The following FAF1 variants were observed in gnomAD, a reference collection of about 807,000 sequenced individuals.
FAF1 encodes FAS-associated factor 1.
FAF1 carries 25 observed loss-of-function variants against 92.5 expected under a neutral mutation model. That is an observed-to-expected ratio of 0.27 (90% CI 0.20 to 0.38). The LOEUF (loss-of-function observed/expected upper bound fraction) is 0.38, where lower values mean the gene tolerates loss of function less well. Among genes scored for constraint, FAF1 ranks in the 10% least tolerant of loss-of-function variants. The pLI, the probability that FAF1 is intolerant of heterozygous loss-of-function variation, is 1.00. For synonymous variants in FAF1, 234 were observed against 273.2 expected (o/e 0.86, Z 1.42); for missense variants, 636 against 793.3 (o/e 0.80, Z 2.38).
chr1:50,772,549 G>A (rs1241247802), intron 4 of FAF1, among the ~76,000 whole-genome samples: 1 of 152,220 alleles, frequency 6.6e-6, no homozygotes, highest in Non-Finnish European at 1.5e-5. Context: ...GTCCTCTGCA[G>A]CAATATGGAT....
At chr1:50,639,915 C>T (rs937935429) in intron 8 of FAF1, among the ~76,000 whole-genome samples, 3 of 124,444 alleles carry the variant, frequency 2.4e-5, no homozygotes, top group Non-Finnish European at 3.2e-5. Context: ...GCCTGGGTGA[C>T]AGAGCAAGAC....
intron 2 of FAF1, among the ~76,000 whole-genome samples, chr1:50,832,018 T>C (rs1196181874): frequency 6.6e-6 from 1 of 151,980 alleles, no homozygotes; most frequent in African/African-American, 2.4e-5. Flanking sequence ...TAATGCCTGA[T>C]GATCTGTCAC....
chr1:50,730,065 A>G lies in FAF1; in HGVS notation c.551+8798T>C, dbSNP rs79531247. ...GTGATAATTTGTTCCATGAAAATTT[A>G]TGAAAAATCCTCTGGAGGGTGAAGG... On this transcript the variant is annotated intron_variant, in intron 6 of 18. Transcript: ENST00000396153. Among the ~76,000 whole-genome samples the G allele has an allele frequency of 8.0e-3, 1,220 of 152,242 alleles. 14 individuals are homozygous for G. The highest frequency in any genetic ancestry group is 0.028 in the African/African-American group (1,178 of 41,550).
At position 50,959,768 on chromosome 1, in the gene FAF1, T is replaced by C. The variant is rs1438077600; in HGVS notation, c.44A>G (p.Gln15Arg). 1.9e-6 allele frequency: 3 copies of C among 1,600,622 alleles called. No homozygotes were observed. Among genetic ancestry groups the C allele is most frequent in the Non-Finnish European group, 1.7e-6 (2 of 1,172,956 alleles). The change falls in exon 1 of 19, where the codon CAG becomes CGG. Residue 15 changes from glutamine (Q) to arginine (R), a missense_variant and splice_region_variant. Gln to Arg is a conservative substitution (Grantham distance 43, BLOSUM62 1). This residue lies in a region of FAF1 where 317 missense variants were observed against 342.4 expected (regional missense o/e 0.93). Transcript: ENST00000396153. ...MDREMILADF[Q>R]ACTGIENIDE... is the part of the protein sequence containing the mutation. Reference sequence around the variant, plus strand: ...GGGGAAGAGGGCCAGATACTTCACCTGAAAATCCGCCAGGATCATCTCCCG... The same window carrying C: ...GGGGAAGAGGGCCAGATACTTCACCCGAAAATCCGCCAGGATCATCTCCCG...
chr1:50,574,896 C>CTGTTTTTTTTTTGTTTTTTT (rs1558000811), intron 12 of FAF1, among the ~76,000 whole-genome samples: 1 of 122,886 alleles, frequency 8.1e-6, no homozygotes, highest in South Asian at 2.7e-4. Context: ...GTTGTATTAA[C>CTGTTTTTTTTTTGTTTTTTT]TCTTTTTTTT....
At chr1:50,957,874 C>T (rs972182669) in intron 1 of FAF1, among the ~76,000 whole-genome samples, 3 of 152,072 alleles carry the variant, frequency 2.0e-5, no homozygotes, top group Admixed American at 6.5e-5. Context: ...TGAGGGAAAT[C>T]AGAAGACAAT....
At chr1:50,649,071 C>T (rs188789019) in intron 8 of FAF1, among the ~76,000 whole-genome samples, 107 of 150,284 alleles carry the variant, frequency 7.1e-4, no homozygotes, top group African/African-American at 2.6e-3. Flanking sequence ...TGTGAGCCAC[C>T]GTGTCCAGCC....
chr1:50,532,378 T>C (rs1327100910), intron 15 of FAF1, among the ~76,000 whole-genome samples: 1 of 152,184 alleles, frequency 6.6e-6, no homozygotes, highest in Non-Finnish European at 1.5e-5. Flanking sequence ...AAATATTGTG[T>C]ATTCATATTC....
chr1:50,695,803 C>T (rs900933790), intron 7 of FAF1, among the ~76,000 whole-genome samples: 36 of 152,210 alleles, frequency 2.4e-4, no homozygotes, highest in African/African-American at 7.9e-4. Flanking sequence ...AACCCACGAC[C>T]ACACCTGGCT....
At chr1:50,687,654 C>T (rs1656729031) in intron 7 of FAF1, among the ~76,000 whole-genome samples, 1 of 151,440 alleles carries the variant, frequency 6.6e-6, no homozygotes, top group East Asian at 1.9e-4. Flanking sequence ...GAGGCTGAGG[C>T]GGGAGAACTG....
chr1:50,772,317 TACCGTC>T (rs1660803480), intron 4 of FAF1, among the ~76,000 whole-genome samples: 1 of 152,144 alleles, frequency 6.6e-6, no homozygotes, highest in Non-Finnish European at 1.5e-5. Context: ...AAGAAAGAAT[TACCGTC>T]CTACCCCACA....
At chr1:50,678,076 C>T (rs1300215964) in intron 7 of FAF1, among the ~76,000 whole-genome samples, 1 of 152,142 alleles carries the variant, frequency 6.6e-6, no homozygotes, top group Non-Finnish European at 1.5e-5. Context: ...ATATGCTTGG[C>T]ACTGACACTA....
chr1:50,734,391 C>G (rs1659051530), intron 6 of FAF1, among the ~76,000 whole-genome samples: 1 of 152,092 alleles, frequency 6.6e-6, no homozygotes, highest in African/African-American at 2.4e-5. Flanking sequence ...TAATCAGCAT[C>G]TTGGTTAGAA....
chr1:50,871,685 T>C (rs1210189322), intron 1 of FAF1, among the ~76,000 whole-genome samples: 2 of 152,206 alleles, frequency 1.3e-5, no homozygotes, highest in South Asian at 2.1e-4. Context: ...TTACTATTCA[T>C]TGACAATGCA....
At chr1:50,594,668 C>T (rs565498684) in intron 9 of FAF1, among the ~76,000 whole-genome samples, 18 of 151,440 alleles carry the variant, frequency 1.2e-4, no homozygotes, top group Admixed American at 1.1e-3. Flanking sequence ...GTCAGGAGTT[C>T]GAGACCAGCC....
chr1:50,713,090 G>C (rs1319886657), intron 6 of FAF1, among the ~76,000 whole-genome samples: 21 of 149,852 alleles, frequency 1.4e-4, no homozygotes, highest in Admixed American at 1.4e-3. Flanking sequence ...AGGATAGAAG[G>C]GGGAGGTTGT....
In FAF1 at chr1:50,460,156, T is replaced by A. The variant is rs193194128; in HGVS notation, c.1869+15308A>T. On this transcript the variant is annotated intron_variant, in intron 18 of 18. Coordinates refer to ENST00000396153, the MANE Select transcript of FAF1 (RefSeq NM_007051.3). ...TCTTCCATATTTTTTCATCTCTTAT[T>A]TTATTTCCCTTTATACCTGACCTCA... 9.2e-5 allele frequency among the ~76,000 whole-genome samples: 14 copies of A among 152,332 alleles called. No individual in the cohort carries two copies. The East Asian group carries it at 2.7e-3, about 29-fold the overall frequency.
In FAF1 at chr1:50,441,537, G is replaced by A. The variant is rs1239515289; in HGVS notation, c.1870-14C>T. 1 of 1,473,936 alleles carries A rather than the reference G, an allele frequency of 6.8e-7. No homozygotes were observed. Among genetic ancestry groups the A allele is most frequent in the East Asian group, 2.5e-5 (1 of 40,058 alleles). The allele number at this position is 1,473,936 out of a possible 1,614,324, so 91.3% of individuals were successfully genotyped here. A position where few individuals can be genotyped will look rare whatever the true frequency, so the allele number is the denominator to read the frequency against. On this transcript the variant is annotated splice_polypyrimidine_tract_variant and intron_variant, in intron 18 of 18. Coordinates refer to ENST00000396153, the MANE Select transcript of FAF1 (RefSeq NM_007051.3). The stretch of plus-strand genomic sequence containing the variant: ...CAGTTGAGTTACCTAAAAAGATGAA[G>A]AACACATATTCAAAAGACTGAAACA...
At chr1:50,606,436 T>C (rs1311947797) in intron 8 of FAF1, among the ~76,000 whole-genome samples, 1 of 150,320 alleles carries the variant, frequency 6.7e-6, no homozygotes, top group Admixed American at 6.7e-5. Context: ...TTCTTGTGAG[T>C]GCCAACCTGT....
Sources: allele counts gnomAD v4.1 joint callset (sites outside exome capture counted in the v4.1 genomes callset), GRCh38; gene constraint gnomAD v4.1.1; regional missense constraint gnomAD v4.1.1; transcripts MANE v1.5; gene names NCBI Gene and HGNC (gene_info 2026-07-23, HGNC 2026-07-21).